THSD7B: variants seen among roughly 807,000 people sequenced by gnomAD.
The protein encoded by THSD7B is thrombospondin type-1 domain-containing protein 7B.
THSD7B carries 138 observed loss-of-function variants against 213.6 expected under a neutral mutation model. That is an observed-to-expected ratio of 0.65 (90% confidence interval 0.56 to 0.74). The LOEUF (loss-of-function observed/expected upper bound fraction) is 0.74, where lower values mean the gene tolerates loss of function less well. Ranked by LOEUF, THSD7B falls within the 30% of genes least tolerant of loss-of-function variation. THSD7B has a pLI of 0.00. For missense variants in THSD7B, 1,931 were observed against 1,991.5 expected (o/e 0.97, Z 0.58); for synonymous variants, 742 against 687.0 (o/e 1.08, Z -1.25).
intron 14 of THSD7B, among the ~76,000 whole-genome samples, chr2:137,423,596 T>G (rs939353019): frequency 1.4e-4 from 21 of 152,094 alleles, no homozygotes; most frequent in Admixed American, 1.4e-3. Flanking sequence ...AAACTTATTA[T>G]ACTCTGAAAA....
chr2:137,392,706 T>G (rs1686061888), intron 12 of THSD7B, among the ~76,000 whole-genome samples: 1 of 152,150 alleles, frequency 6.6e-6, no homozygotes, highest in African/African-American at 2.4e-5. Flanking sequence ...ATTCTGCTTA[T>G]CTATATATTT....
intron 15 of THSD7B, among the ~76,000 whole-genome samples, chr2:137,551,348 G>A (rs6430728): frequency 0.58 from 88,514 of 151,988 alleles, 26,997 homozygotes; most frequent in African/African-American, 0.77. Context: ...GCTCATTCAA[G>A]TTCAGCAGTG....
intron 12 of THSD7B, among the ~76,000 whole-genome samples, chr2:137,279,944 T>G (rs1682967699): frequency 6.6e-6 from 1 of 152,194 alleles, no homozygotes; most frequent in Admixed American, 6.6e-5. Context: ...CAGAGGGAGT[T>G]TGAACTCAGA....
At chr2:137,012,638 A>T (rs1686252755) in intron 2 of THSD7B, among the ~76,000 whole-genome samples, 1 of 152,180 alleles carries the variant, frequency 6.6e-6, no homozygotes. Flanking sequence ...CAATTATTGA[A>T]TGTTGGAGAA....
At chr2:137,219,997 T>C (rs553552039) in intron 7 of THSD7B, among the ~76,000 whole-genome samples, 1 of 152,316 alleles carries the variant, frequency 6.6e-6, no homozygotes, top group South Asian at 2.1e-4. Context: ...TGGTGTTGTA[T>C]ACTAGGACAC....
chr2:136,775,159 C>T (rs1474240861), intron 1 of THSD7B, among the ~76,000 whole-genome samples: 13 of 152,054 alleles, frequency 8.5e-5, no homozygotes, highest in Non-Finnish European at 1.5e-5. Flanking sequence ...GCACAGAAGG[C>T]ATCTTACTCA....
chr2:137,065,822 G>A (rs913098743), intron 3 of THSD7B, among the ~76,000 whole-genome samples: 6 of 152,054 alleles, frequency 3.9e-5, no homozygotes, highest in Admixed American at 2.6e-4. Context: ...ATCCTATAAC[G>A]GAGTATTCTG....
chr2:136,936,214 T>C (rs1201266049), intron 2 of THSD7B, among the ~76,000 whole-genome samples: 1 of 152,054 alleles, frequency 6.6e-6, no homozygotes, highest in African/African-American at 2.4e-5. Flanking sequence ...ATTTCTACAT[T>C]GCTGGTGGGA....
intron 12 of THSD7B, among the ~76,000 whole-genome samples, chr2:137,367,345 A>G (rs1324795565): frequency 6.6e-6 from 1 of 152,170 alleles, no homozygotes; most frequent in African/African-American, 2.4e-5. Context: ...GGCAGAAATC[A>G]GAGTCACAGG....
At chr2:137,370,848 T>C (rs976295211) in intron 12 of THSD7B, among the ~76,000 whole-genome samples, 28 of 152,160 alleles carry the variant, frequency 1.8e-4, no homozygotes, top group African/African-American at 6.8e-4. Flanking sequence ...CCAAAAGTTA[T>C]ATAATTTCAT....
At chr2:137,113,007 T>C (rs1239027288) in intron 4 of THSD7B, among the ~76,000 whole-genome samples, 3 of 152,194 alleles carry the variant, frequency 2.0e-5, no homozygotes, top group African/African-American at 7.2e-5. Context: ...AAAGCATACT[T>C]GTCATCTGTA....
At chr2:137,339,480 G>A (rs1228477257) in intron 12 of THSD7B, among the ~76,000 whole-genome samples, 1 of 151,912 alleles carries the variant, frequency 6.6e-6, no homozygotes, top group Non-Finnish European at 1.5e-5. Context: ...ATTGGGAGCT[G>A]GGGTTCGCTG....
intron 3 of THSD7B, among the ~76,000 whole-genome samples, chr2:137,061,189 C>A (rs1376051460): frequency 1.3e-5 from 2 of 151,560 alleles, no homozygotes; most frequent in South Asian, 2.1e-4. Context: ...TTTATATTAA[C>A]CTTGCATCCT....
intron 15 of THSD7B, among the ~76,000 whole-genome samples, chr2:137,525,381 T>C (rs1240792199): frequency 6.6e-6 from 1 of 152,142 alleles, no homozygotes; most frequent in Non-Finnish European, 1.5e-5. Flanking sequence ...TGCAAACCTC[T>C]CTTTATTTTG....
chr2:137,433,677 A>G (rs1371681974), intron 14 of THSD7B, among the ~76,000 whole-genome samples: 1 of 152,130 alleles, frequency 6.6e-6, no homozygotes, highest in Admixed American at 6.6e-5. Flanking sequence ...TCTCTAGGCC[A>G]TTTCAATACT....
At chr2:136,914,224 A>G (rs991344236) in intron 2 of THSD7B, among the ~76,000 whole-genome samples, 3 of 152,038 alleles carry the variant, frequency 2.0e-5, no homozygotes, top group Non-Finnish European at 2.9e-5. Flanking sequence ...GTTTTGGCCA[A>G]TTTCTCCCAT....
chr2:137,666,703 T>C (rs1344206183), intron 26 of THSD7B, among the ~76,000 whole-genome samples: 1 of 152,050 alleles, frequency 6.6e-6, no homozygotes, highest in Non-Finnish European at 1.5e-5. Flanking sequence ...CAATTCTAAG[T>C]TTAGTTAGCT....
intron 15 of THSD7B, among the ~76,000 whole-genome samples, chr2:137,527,952 T>C (rs1680310246): frequency 6.6e-6 from 1 of 152,130 alleles, no homozygotes; most frequent in South Asian, 2.1e-4. Context: ...AATCAATTAA[T>C]TCCTAGAGCC....
chr2:137,386,350 A>G (rs1428509517), intron 12 of THSD7B, among the ~76,000 whole-genome samples: 1 of 152,146 alleles, frequency 6.6e-6, no homozygotes, highest in Non-Finnish European at 1.5e-5. Flanking sequence ...CATTGTAGGA[A>G]CATTGGTTGA....
Sources: gnomAD v4.1 joint callset for allele counts (sites outside exome capture counted in the v4.1 genomes callset) on GRCh38, gnomAD v4.1.1 for gene constraint, MANE v1.5 for transcripts, NCBI Gene and HGNC (gene_info 2026-07-23, HGNC 2026-07-21) for gene names.